Variants in KIF19 observed in about 807,000 individuals in gnomAD.
The protein encoded by KIF19 is kinesin-like protein KIF19.
In KIF19, 98 loss-of-function variants were observed where a neutral mutation model predicts 106.6. That is an observed-to-expected ratio of 0.92 (90% confidence interval 0.78 to 1.09). The LOEUF is 1.09. KIF19 is among the 50% of genes least tolerant of loss of function. The pLI, the probability that KIF19 is intolerant of heterozygous loss-of-function variation, is 0.00. For synonymous variants in KIF19, 516 were observed against 584.2 expected (o/e 0.88, Z 1.68); for missense variants, 1,373 against 1,414.3 (o/e 0.97, Z 0.47).
intron 2 of KIF19, among the ~76,000 whole-genome samples, chr17:74,332,307 C>A (rs1338941034): frequency 6.6e-6 from 1 of 151,554 alleles, no homozygotes. Flanking sequence ...CAGACCCTAA[C>A]GTGTAAACAC....
chr17:74,335,518 G>C (rs1484235623), intron 2 of KIF19, among the ~76,000 whole-genome samples: 5 of 152,246 alleles, frequency 3.3e-5, no homozygotes. Context: ...TTCCCTACGG[G>C]ATCTTGAGTT....
chr17:74,353,491 C>A lies in KIF19; in HGVS notation c.2221-3C>A, dbSNP rs759931062. On this transcript the variant is annotated splice_polypyrimidine_tract_variant and splice_region_variant and intron_variant, in intron 16 of 19. Coordinates refer to ENST00000389916, the MANE Select transcript of KIF19 (RefSeq NM_153209.4). ...TCCTCCTCCCAACCACTCCACCCCA[C>A]AGGCCCCGGCTCAGGACAGCCTGGG... 6.2e-7 allele frequency: 1 copy of A among 1,613,602 alleles called. No individual in the cohort carries two copies. Among genetic ancestry groups the A allele is most frequent in the Non-Finnish European group, 8.5e-7 (1 of 1,179,738 alleles).
At position 74,351,466 on chromosome 17, in the gene KIF19, G is replaced by T. The variant is rs187586498; in HGVS notation, c.1588-401G>T. On this transcript the variant is annotated intron_variant, in intron 12 of 19. Coordinates refer to ENST00000389916, the MANE Select transcript of KIF19 (RefSeq NM_153209.4). ...GATAGCGCCACCGCACTCCAGCCTG[G>T]GTGACAGAGAGAGATCCTGTCTCAA... 8.9e-3 allele frequency: 1,540 copies of T among 172,442 alleles called. 19 individuals are homozygous for T. The highest frequency in any genetic ancestry group is 0.017 in the Middle Eastern group (7 of 404). The allele number at this position is 172,442 out of a possible 1,614,324, so 10.7% of individuals were successfully genotyped here.
intron 5 of KIF19, among the ~76,000 whole-genome samples, chr17:74,343,371 G>A (rs1233875067): frequency 6.6e-6 from 1 of 152,126 alleles, no homozygotes; most frequent in Non-Finnish European, 1.5e-5. Flanking sequence ...TCAGGACCCT[G>A]CAGCTTCAAG....
Position 74,347,888 on chromosome 17 carries a change from A to G in KIF19, c.1036A>G (p.Ile346Val), listed in dbSNP as rs759216207. The G allele has an allele frequency of 2.5e-6, 4 of 1,582,860 alleles. No individual in the cohort carries two copies. In the South Asian group the frequency reaches 4.6e-5, roughly 18 times the overall value. Residue 346 changes from isoleucine (I) to valine (V), a missense_variant, in exon 9 of 20, where the codon ATT (isoleucine) becomes GTT (valine). By Grantham distance (29) the Ile-to-Val change is conservative. Coordinates refer to ENST00000389916, the MANE Select transcript of KIF19 (RefSeq NM_153209.4). ...GACCTACGCCGGCCGGGCCAAGAAC[A>G]TTAAGACTAGGGTGAGGGCCCCTGG... ...TLTYAGRAKNIKTRVKQNLLN... is the reference protein window; with the variant it reads ...TLTYAGRAKNVKTRVKQNLLN...
Position 74,338,444 on chromosome 17 carries a change from G to A in KIF19, c.121-3432G>A, listed in dbSNP as rs533416162. Among the ~76,000 whole-genome samples, 18 of 152,088 alleles carry A rather than the reference G, an allele frequency of 1.2e-4. No individual in the cohort carries two copies. The South Asian group carries it at 3.5e-3, about 30-fold the overall frequency. On this transcript the variant is annotated intron_variant, in intron 2 of 19. Transcript: ENST00000389916. ...AGTGAGTGGCCTCATTCTTTTCCCC[G>A]CACAAAGCCCCCGGTCCATCCTATC...
At chr17:74,336,458 C>A (rs1171973916) in intron 2 of KIF19, among the ~76,000 whole-genome samples, 1 of 152,216 alleles carries the variant, frequency 6.6e-6, no homozygotes. Context: ...TAACGACACT[C>A]GTCATAGTGG....
intron 2 of KIF19, among the ~76,000 whole-genome samples, chr17:74,334,636 C>T (rs2054177933): frequency 6.6e-6 from 1 of 152,164 alleles, no homozygotes; most frequent in Non-Finnish European, 1.5e-5. Flanking sequence ...GGCTGACAGG[C>T]CCCAGGGACA....
Position 74,347,872 on chromosome 17 carries a change from C to T in KIF19, c.1020C>T (p.Ala340=), listed in dbSNP as rs548129579. Reference sequence around the variant, plus strand: ...AGTCCCGGAACACCCTGACCTACGCCGGCCGGGCCAAGAACATTAAGACTA... The same window carrying T: ...AGTCCCGGAACACCCTGACCTACGCTGGCCGGGCCAAGAACATTAAGACTA... ...FEESRNTLTY[A]GRAKNIKTRV... The change falls in exon 9 of 20, where the codon GCC becomes GCT. Residue 340 remains alanine, a synonymous_variant. Coordinates refer to ENST00000389916, the MANE Select transcript of KIF19 (RefSeq NM_153209.4). The T allele has an allele frequency of 1.5e-5, 24 of 1,584,004 alleles. No individual in the cohort carries two copies. In the African/African-American group the frequency reaches 1.6e-4, roughly 11 times the overall value.
At chr17:74,353,607 C>A (rs754831693) in intron 17 of KIF19, 26 bp downstream of exon 17, 4 of 1,573,144 alleles carry the variant, frequency 2.5e-6, no homozygotes, top group Non-Finnish European at 3.5e-6. Context: ...GCTGCCCGGC[C>A]ACCTCACCTG....
rs34016821 is a variant in KIF19 at position 74,344,842 on chromosome 17, G to T, written c.664G>T (p.Ala222Ser). 6.2e-7 allele frequency: 1 copy of T among 1,612,806 alleles called. No individual in the cohort carries two copies. Among genetic ancestry groups the T allele is most frequent in the Non-Finnish European group, 8.5e-7 (1 of 1,179,784 alleles). Residue 222 changes from alanine to serine, a missense_variant, in exon 7 of 20, where the codon GCG becomes TCG. Physicochemically the swap from Ala to Ser is moderately conservative, Grantham distance 99. Coordinates refer to ENST00000389916, the MANE Select transcript of KIF19 (RefSeq NM_153209.4). Reference sequence around the variant, plus strand: ...CAACCAGACGTCCTCCCGCTCCCACGCGGTACTGCAGGTGACCGTGCGCCA... The same window carrying T: ...CAACCAGACGTCCTCCCGCTCCCACTCGGTACTGCAGGTGACCGTGCGCCA... ...AANQTSSRSH[A>S]VLQVTVRQRS...
chr17:74,327,304 C>G (rs2053941637), intron 1 of KIF19, among the ~76,000 whole-genome samples: 1 of 152,216 alleles, frequency 6.6e-6, no homozygotes, highest in Admixed American at 6.5e-5. Flanking sequence ...AGGACATCCT[C>G]TCTGGCTTTT....
chr17:74,340,002 G>A (rs770567951), intron 2 of KIF19, among the ~76,000 whole-genome samples: 15 of 152,332 alleles, frequency 9.8e-5, no homozygotes, highest in African/African-American at 1.4e-4. Flanking sequence ...TTAACAGCCC[G>A]TTGAACAAAG....
rs141037593 is a variant in KIF19, at chr17:74,347,182, C to T, written c.925-595C>T. On this transcript the variant is annotated intron_variant, in intron 8 of 19. Transcript: ENST00000389916. The stretch of plus-strand genomic sequence containing the variant: ...CTTACTTAACATTGCCAGCAGCTGC[C>T]GTCATGACTGCACCTAGAAGCCGGG... Among the ~76,000 whole-genome samples the T allele has an allele frequency of 9.9e-4, 150 of 152,224 alleles. 1 individual carries two copies. Among genetic ancestry groups the T allele is most frequent in the African/African-American group, 3.5e-3 (147 of 41,550 alleles).
chr17:74,336,849 A>C (rs2054230248), intron 2 of KIF19, among the ~76,000 whole-genome samples: 2 of 152,086 alleles, frequency 1.3e-5, no homozygotes, highest in East Asian at 3.9e-4. Flanking sequence ...TTTTTGAGAC[A>C]GAGTCTCGCT....
At chr17:74,340,950 G>A (rs949872476) in intron 2 of KIF19, among the ~76,000 whole-genome samples, 2 of 119,198 alleles carry the variant, frequency 1.7e-5, no homozygotes, top group African/African-American at 7.3e-5. Flanking sequence ...GTGACGACCT[G>A]GGGGGTGTGA....
At chr17:74,353,327 C>G in intron 16 of KIF19, 26 bp downstream of exon 16, 1 of 1,533,400 alleles carries the variant, frequency 6.5e-7, no homozygotes, top group Non-Finnish European at 8.9e-7. Context: ...CCGATGGCCC[C>G]ACGAGCTCCA....
rs2054679874 is a variant in KIF19 at position 74,350,807 on chromosome 17, G to A, written c.1489G>A (p.Asp497Asn). The A allele has an allele frequency of 6.2e-7, 1 of 1,614,046 alleles. No homozygotes were observed. Among genetic ancestry groups the A allele is most frequent in the African/African-American group, 1.3e-5 (1 of 75,068 alleles). The change falls in exon 12 of 20, where the codon GAT becomes AAT. Residue 497 changes from aspartate to asparagine, a missense_variant. Physicochemically the swap from Asp to Asn is conservative, Grantham distance 23 (BLOSUM62 1). Coordinates refer to ENST00000389916, the MANE Select transcript of KIF19 (RefSeq NM_153209.4). ...CAGCGAGAAGGACTCAGACACAGGTGATGACCAACCAGACATCCTGGAGCC... is the reference window on the plus strand; with the variant it reads ...CAGCGAGAAGGACTCAGACACAGGTAATGACCAACCAGACATCCTGGAGCC... ...DDSEKDSDTG[D>N]DQPDILEPPE...
chr17:74,355,181 G>A lies in KIF19; in HGVS notation c.2867-1G>A. On this transcript the variant is annotated splice_acceptor_variant, in intron 19 of 19. Transcript: ENST00000389916. LOFTEE classifies it high-confidence loss of function. ...TGATCCTGCCCCTTTCCCTGTTGCAGGCCCGGGGGACTCCTCACCCCTGGC... is the reference window on the plus strand; with the variant it reads ...TGATCCTGCCCCTTTCCCTGTTGCAAGCCCGGGGGACTCCTCACCCCTGGC... 1 of 1,594,676 alleles carries A rather than the reference G, an allele frequency of 6.3e-7. No individual in the cohort carries two copies. The highest frequency in any genetic ancestry group is 1.7e-5 in the Admixed American group (1 of 57,982).
Sources: gnomAD v4.1 joint callset for allele counts (sites outside exome capture counted in the v4.1 genomes callset) on GRCh38, gnomAD v4.1.1 for gene constraint, MANE v1.5 for transcripts, NCBI Gene and HGNC (gene_info 2026-07-23, HGNC 2026-07-21) for gene names.